The following IRAK1BP1 variants were observed in gnomAD, a reference collection of about 807,000 sequenced individuals.
The protein encoded by IRAK1BP1 is interleukin 1 receptor associated kinase 1 binding protein 1.
In IRAK1BP1, 24 loss-of-function variants were observed where a neutral mutation model predicts 28.0. That is an observed-to-expected ratio of 0.86 (90% CI 0.62 to 1.20). The LOEUF is 1.20. Ranked by LOEUF, IRAK1BP1 falls within the 50% of genes most tolerant of loss-of-function variation. The probability of loss-of-function intolerance (pLI) is 0.00; values close to 1 mark genes in which losing one functional copy is unlikely to be tolerated. For synonymous variants in IRAK1BP1, 131 were observed against 116.3 expected (o/e 1.13, Z -0.81); for missense variants, 336 against 316.7 (o/e 1.06, Z -0.46).
intron 4 of IRAK1BP1, among the ~76,000 whole-genome samples, chr6:78,925,377 A>C (rs1452429687): frequency 6.6e-6 from 1 of 152,178 alleles, no homozygotes. Flanking sequence ...ATGACAAAAG[A>C]CATGAACGGA....
intron 4 of IRAK1BP1, chr6:78,938,219 T>C (rs1250458981): frequency 6.6e-6 from 1 of 151,708 alleles, no homozygotes; most frequent in Non-Finnish European, 1.5e-5. Flanking sequence ...TCCAAGTTAC[T>C]GTGCTTTACT....
chr6:78,971,874 T>C, the IRAK1BP1 span, among the ~76,000 whole-genome samples: 2 of 152,028 alleles, frequency 1.3e-5, no homozygotes. Context: ...GCTCGGAGGG[T>C]CCTACCCCAC....
At chr6:78,868,902 T>A (rs2127663132) in intron 1 of IRAK1BP1, among the ~76,000 whole-genome samples, 1 of 152,314 alleles carries the variant, frequency 6.6e-6, no homozygotes, top group Admixed American at 6.5e-5. Flanking sequence ...TTGGTAAAAG[T>A]GCAGGCATTG....
At chr6:78,910,223 C>G in intron 4 of IRAK1BP1, among the ~76,000 whole-genome samples, 1 of 151,990 alleles carries the variant, frequency 6.6e-6, no homozygotes. Context: ...ACGGAGGGCA[C>G]GGCAGGATGG....
At chr6:78,913,513 G>T (rs1015087066) in intron 4 of IRAK1BP1, among the ~76,000 whole-genome samples, 2 of 152,070 alleles carry the variant, frequency 1.3e-5, no homozygotes, top group Non-Finnish European at 2.9e-5. Flanking sequence ...GCGCATAGTG[G>T]CACACACCTG....
At chr6:78,941,359 T>C (rs761153480) in intron 4 of IRAK1BP1, 33 of 1,546,938 alleles carry the variant, frequency 2.1e-5, no homozygotes, top group Non-Finnish European at 2.6e-5. Context: ...ACACTTAATA[T>C]ATGGAGTTTC....
At chr6:78,905,436 A>G (rs1199270417), downstream of IRAK1BP1, among the ~76,000 whole-genome samples, 1 of 152,198 alleles carries the variant, frequency 6.6e-6, no homozygotes, top group Non-Finnish European at 1.5e-5. Context: ...CCATGCAATT[A>G]CTGCTTCTCT....
At chr6:78,881,664 G>GA (rs899882103) in intron 1 of IRAK1BP1, among the ~76,000 whole-genome samples, 1 of 152,146 alleles carries the variant, frequency 6.6e-6, no homozygotes, top group Non-Finnish European at 1.5e-5. Context: ...TAAATTACTG[G>GA]AAAATGGTGT....
downstream of IRAK1BP1, among the ~76,000 whole-genome samples, chr6:78,949,614 CA>C (rs1178608414): frequency 6.6e-6 from 1 of 152,110 alleles, no homozygotes; most frequent in African/African-American, 2.4e-5. Context: ...CCTACCCAAC[CA>C]AAACCTAGCA....
the IRAK1BP1 span, among the ~76,000 whole-genome samples, chr6:78,967,314 G>T: frequency 1.3e-5 from 2 of 152,252 alleles, no homozygotes; most frequent in East Asian, 1.9e-4. Context: ...AGTTTAATAA[G>T]AAGCATTCTT....
At chr6:78,894,170 T>C (rs947516693) in intron 2 of IRAK1BP1, among the ~76,000 whole-genome samples, 2 of 151,998 alleles carry the variant, frequency 1.3e-5, no homozygotes, top group Non-Finnish European at 2.9e-5. Context: ...TGAAATAATA[T>C]AATAAAAATA....
At chr6:78,933,865 A>G (rs1413655073) in intron 4 of IRAK1BP1, among the ~76,000 whole-genome samples, 3 of 152,144 alleles carry the variant, frequency 2.0e-5, no homozygotes, top group African/African-American at 7.2e-5. Context: ...TGTTCACTGA[A>G]GTAGCATCCT....
chr6:78,923,586 A>T (rs1772803308), intron 4 of IRAK1BP1, among the ~76,000 whole-genome samples: 1 of 152,064 alleles, frequency 6.6e-6, no homozygotes, highest in Non-Finnish European at 1.5e-5. Flanking sequence ...CATCTACAGA[A>T]CTCTCCACCT....
chr6:78,875,111 G>T (rs973933745), intron 1 of IRAK1BP1, among the ~76,000 whole-genome samples: 1 of 152,150 alleles, frequency 6.6e-6, no homozygotes, highest in Non-Finnish European at 1.5e-5. Context: ...CATACAAGCA[G>T]CCAGCAAACA....
At chr6:78,881,578 T>C (rs1376623794) in intron 1 of IRAK1BP1, among the ~76,000 whole-genome samples, 1 of 152,106 alleles carries the variant, frequency 6.6e-6, no homozygotes, top group Non-Finnish European at 1.5e-5. Context: ...TAAAATTTAT[T>C]CTCTTGACAA....
intron 4 of IRAK1BP1, among the ~76,000 whole-genome samples, chr6:78,932,421 C>CTTTTTTTTTTTTTTT (rs386407659): frequency 1.6e-5 from 2 of 123,700 alleles, no homozygotes; most frequent in African/African-American, 3.0e-5. Context: ...CTTTCTTTTT[C>CTTTTTTTTTTTTTTT]TTTTTTTTTT....
chr6:78,931,459 A>C (rs2127670254), intron 4 of IRAK1BP1, among the ~76,000 whole-genome samples: 1 of 152,286 alleles, frequency 6.6e-6, no homozygotes, highest in African/African-American at 2.4e-5. Flanking sequence ...ATTATCTTGG[A>C]GATTTCTCAT....
chr6:78,913,386 C>G (rs1011473344), intron 4 of IRAK1BP1, among the ~76,000 whole-genome samples: 4 of 152,040 alleles, frequency 2.6e-5, no homozygotes, highest in Non-Finnish European at 5.9e-5. Flanking sequence ...TGGCTCACGC[C>G]TGTAATCCCA....
chr6:78,888,664 C>A (rs966403965), intron 2 of IRAK1BP1, among the ~76,000 whole-genome samples: 4 of 151,848 alleles, frequency 2.6e-5, no homozygotes, highest in Non-Finnish European at 5.9e-5. Flanking sequence ...ATTACAGGCA[C>A]CTGGCTAATT....
Sources: gnomAD v4.1 joint callset for allele counts (sites outside exome capture counted in the v4.1 genomes callset) on GRCh38, gnomAD v4.1.1 for gene constraint, MANE v1.5 for transcripts, NCBI Gene and HGNC (gene_info 2026-07-23, HGNC 2026-07-21) for gene names.